Variants in LRP1B observed in about 807,000 individuals in gnomAD.
LRP1B encodes LDL receptor related protein 1B, also known as low-density lipoprotein receptor-related protein 1B.
LRP1B carries 217 observed loss-of-function variants against 556.6 expected under a neutral mutation model. The observed-to-expected ratio is 0.39, with a 90% CI of 0.35 to 0.44. The LOEUF (loss-of-function observed/expected upper bound fraction) is 0.44. LRP1B is among the 20% of genes least tolerant of loss of function. The pLI is 1.00. For missense variants in LRP1B, 5,053 were observed against 5,620.8 expected (o/e 0.90, Z 3.23); for synonymous variants, 2,047 against 1,865.8 (o/e 1.10, Z -2.50).
At chr2:140,326,762 T>G (rs1394898116) in intron 79 of LRP1B, among the ~76,000 whole-genome samples, 1 of 152,056 alleles carries the variant, frequency 6.6e-6, no homozygotes, top group Non-Finnish European at 1.5e-5. Flanking sequence ...AAGGTTCTAG[T>G]GATATTTAAT....
chr2:141,712,000 G>A (rs1168019131), intron 2 of LRP1B, among the ~76,000 whole-genome samples: 2 of 151,740 alleles, frequency 1.3e-5, no homozygotes, highest in Admixed American at 6.6e-5. Flanking sequence ...GAGAACTGTG[G>A]GGAAAATGAG....
chr2:140,944,327 T>C (rs1695481976), intron 20 of LRP1B, among the ~76,000 whole-genome samples: 1 of 152,034 alleles, frequency 6.6e-6, no homozygotes, highest in Admixed American at 6.6e-5. Context: ...ACAGTCAAAT[T>C]CCACCTGACC....
chr2:140,950,173 C>A (rs2105299335), intron 20 of LRP1B, 62 bp downstream of exon 20: 1 of 1,204,214 alleles, frequency 8.3e-7, no homozygotes, highest in Non-Finnish European at 1.1e-6. Flanking sequence ...TCTGTAATAC[C>A]CTAAGTATTA....
intron 79 of LRP1B, among the ~76,000 whole-genome samples, chr2:140,326,497 G>A (rs1235462705): frequency 6.6e-6 from 1 of 151,430 alleles, no homozygotes; most frequent in East Asian, 1.9e-4. Flanking sequence ...AGCCTGAGGC[G>A]GGACGGTCAG....
chr2:140,690,156 GAGA>G (rs1559056762), intron 41 of LRP1B, among the ~76,000 whole-genome samples: 4 of 151,150 alleles, frequency 2.6e-5, no homozygotes, highest in South Asian at 4.2e-4. Flanking sequence ...TTTATCACCA[GAGA>G]AGAAGAAAGC....
chr2:140,571,717 A>T (rs565823033), intron 43 of LRP1B, among the ~76,000 whole-genome samples: 1 of 151,966 alleles, frequency 6.6e-6, no homozygotes, highest in South Asian at 2.1e-4. Context: ...GAAAAGTAAA[A>T]AAACAAAGAT....
chr2:141,778,309 T>A (rs1558869614), intron 2 of LRP1B, among the ~76,000 whole-genome samples: 2 of 152,222 alleles, frequency 1.3e-5, no homozygotes, highest in Non-Finnish European at 2.9e-5. Flanking sequence ...TCTCTGCATG[T>A]TCATGAACTA....
At chr2:141,089,006 A>G (rs1484416876) in intron 7 of LRP1B, among the ~76,000 whole-genome samples, 1 of 152,212 alleles carries the variant, frequency 6.6e-6, no homozygotes, top group African/African-American at 2.4e-5. Context: ...AAGCTTTTTC[A>G]TGACTTTTAT....
chr2:140,827,334 A>T lies in LRP1B; in HGVS notation c.5209+12657T>A, dbSNP rs1047784695. Among the ~76,000 whole-genome samples the T allele has an allele frequency of 1.3e-5, 2 of 152,106 alleles. 1 individual carries two copies. Among genetic ancestry groups the T allele is most frequent in the Non-Finnish European group, 2.9e-5 (2 of 68,004 alleles). ...TGAGCTCTCAGATCAAGAATTCAAA[A>T]TGGTAGTTCTGAAGAAACTCACTGA... On this transcript the variant is annotated intron_variant, in intron 31 of 90. Coordinates refer to ENST00000389484, the MANE Select transcript of LRP1B (RefSeq NM_018557.3).
chr2:140,678,076 C>G (rs1010920444), intron 41 of LRP1B, among the ~76,000 whole-genome samples: 1 of 151,956 alleles, frequency 6.6e-6, no homozygotes. Context: ...CAATTTGAAC[C>G]CAGGGAATCT....
chr2:141,440,749 G>C (rs1165639105), intron 3 of LRP1B, among the ~76,000 whole-genome samples: 2 of 152,218 alleles, frequency 1.3e-5, no homozygotes, highest in African/African-American at 4.8e-5. Flanking sequence ...ACGATGAAGA[G>C]AGTCATTTAA....
chr2:141,048,609 T>C (rs1257606821), intron 11 of LRP1B, among the ~76,000 whole-genome samples: 1 of 152,078 alleles, frequency 6.6e-6, no homozygotes, highest in Non-Finnish European at 1.5e-5. Context: ...TTGAGTGACA[T>C]GATCAATAGT....
chr2:141,499,358 A>G (rs1403532969), intron 2 of LRP1B, among the ~76,000 whole-genome samples: 2 of 152,066 alleles, frequency 1.3e-5, no homozygotes, highest in African/African-American at 4.8e-5. Context: ...CCATGTAACT[A>G]TATGACAGAG....
At chr2:140,645,332 T>C (rs1684440586) in intron 41 of LRP1B, among the ~76,000 whole-genome samples, 1 of 152,044 alleles carries the variant, frequency 6.6e-6, no homozygotes, top group South Asian at 2.1e-4. Context: ...TTTTACTTAA[T>C]TATAGCATAG....
intron 59 of LRP1B, among the ~76,000 whole-genome samples, chr2:140,483,635 TA>T (rs1476582191): frequency 0.011 from 670 of 61,096 alleles, 4 homozygotes; most frequent in Admixed American, 0.018. Flanking sequence ...TATATATATA[TA>T]TATATTTTTT....
At chr2:140,599,431 C>T (rs1347859375) in intron 42 of LRP1B, among the ~76,000 whole-genome samples, 1 of 152,032 alleles carries the variant, frequency 6.6e-6, no homozygotes. Context: ...AGGAGTGACT[C>T]TTAAATCCTT....
chr2:141,838,115 C>T (rs756740335), intron 1 of LRP1B, among the ~76,000 whole-genome samples: 6 of 152,106 alleles, frequency 3.9e-5, no homozygotes, highest in Non-Finnish European at 8.8e-5. Context: ...TGGGTACCTA[C>T]TGTCTGCCAA....
chr2:141,460,090 A>C (rs976668026), intron 3 of LRP1B, among the ~76,000 whole-genome samples: 2 of 152,188 alleles, frequency 1.3e-5, no homozygotes, highest in African/African-American at 2.4e-5. Flanking sequence ...GCTTCCTAAG[A>C]TTGTGAACAG....
At chr2:140,324,818 TACCAAA>T (rs1296022304) in intron 80 of LRP1B, among the ~76,000 whole-genome samples, 3 of 151,666 alleles carry the variant, frequency 2.0e-5, no homozygotes, top group Admixed American at 6.6e-5. Flanking sequence ...GTAAAATGTG[TACCAAA>T]GCCAGAACAA....
Sources: gnomAD v4.1 joint callset for allele counts (sites outside exome capture counted in the v4.1 genomes callset) on GRCh38, gnomAD v4.1.1 for gene constraint, MANE v1.5 for transcripts, NCBI Gene and HGNC (gene_info 2026-07-23, HGNC 2026-07-21) for gene names.